Variants in ARHGAP24 observed in about 807,000 individuals in gnomAD.
The protein encoded by ARHGAP24 is rho GTPase-activating protein 24.
In ARHGAP24, 50 loss-of-function variants were observed where a neutral mutation model predicts 76.4. That is an observed-to-expected ratio of 0.65 (90% CI 0.52 to 0.83). The LOEUF is 0.83. Ranked by LOEUF, ARHGAP24 falls within the 40% of genes least tolerant of loss-of-function variation. ARHGAP24 has a pLI of 0.00. For synonymous variants in ARHGAP24, 345 were observed against 323.3 expected (o/e 1.07, Z -0.72); for missense variants, 930 against 914.2 (o/e 1.02, Z -0.22).
intron 2 of ARHGAP24, among the ~76,000 whole-genome samples, chr4:85,691,897 A>G (rs1176822123): frequency 6.6e-6 from 1 of 151,936 alleles, no homozygotes; most frequent in Non-Finnish European, 1.5e-5. Context: ...TAGCTGGTTG[A>G]TTGTAGAGTT....
At chr4:85,994,534 A>C (rs757777518) in intron 8 of ARHGAP24, 49 bp from the exon 9 acceptor site, 1 of 1,546,890 alleles carries the variant, frequency 6.5e-7, no homozygotes, top group African/African-American at 1.4e-5. Context: ...AAATAGAAAT[A>C]AATAAAAACT....
At chr4:85,894,317 C>T (rs1041323214) in intron 3 of ARHGAP24, among the ~76,000 whole-genome samples, 2 of 152,024 alleles carry the variant, frequency 1.3e-5, no homozygotes, top group African/African-American at 4.8e-5. Context: ...GAAAGAGTCT[C>T]ACACAAGAAG....
At chr4:85,598,796 G>A (rs1175278958) in intron 2 of ARHGAP24, among the ~76,000 whole-genome samples, 1 of 148,674 alleles carries the variant, frequency 6.7e-6, no homozygotes, top group African/African-American at 2.5e-5. Context: ...ATTGCAGACT[G>A]AAAAAAACTA....
At chr4:85,886,277 G>T (rs186664893) in intron 3 of ARHGAP24, among the ~76,000 whole-genome samples, 65 of 152,150 alleles carry the variant, frequency 4.3e-4, no homozygotes, top group African/African-American at 1.4e-3. Context: ...ATACAACAAC[G>T]TTACCATGTG....
chr4:85,806,786 A>C (rs1728811863), intron 3 of ARHGAP24, among the ~76,000 whole-genome samples: 1 of 152,230 alleles, frequency 6.6e-6, no homozygotes, highest in Non-Finnish European at 1.5e-5. Flanking sequence ...TAACTCGGAA[A>C]TTAGGTAATT....
chr4:85,502,430 G>A (rs1215703316), intron 1 of ARHGAP24, among the ~76,000 whole-genome samples: 1 of 152,022 alleles, frequency 6.6e-6, no homozygotes, highest in Non-Finnish European at 1.5e-5. Context: ...ACTTGAAGAG[G>A]TCCTTCACAT....
chr4:85,618,255 G>C (rs191671949), intron 2 of ARHGAP24, among the ~76,000 whole-genome samples: 127 of 152,188 alleles, frequency 8.3e-4, no homozygotes, highest in Admixed American at 1.5e-3. Context: ...TTGTCTTACT[G>C]TTCCTAGAGT....
rs1407070087 is a variant in ARHGAP24 at position 85,574,305 on chromosome 4, A to T, written c.180+3584A>T. 2.0e-5 allele frequency among the ~76,000 whole-genome samples: 3 copies of T among 152,252 alleles called. No homozygotes were observed. The East Asian group carries it at 5.8e-4, about 29-fold the overall frequency. On this transcript the variant is annotated intron_variant, in intron 2 of 9. Coordinates refer to ENST00000395184, the MANE Select transcript of ARHGAP24 (RefSeq NM_001025616.3). ...GAGGGAAAGCAAAATTATAATAATG[A>T]CAGGCTACCCTGAAAATGCCGATGC...
intron 3 of ARHGAP24, among the ~76,000 whole-genome samples, chr4:85,859,187 A>G (rs999681425): frequency 1.4e-5 from 2 of 145,836 alleles, no homozygotes; most frequent in African/African-American, 2.5e-5. Context: ...ATATACACAC[A>G]TACACACATA....
intron 2 of ARHGAP24, among the ~76,000 whole-genome samples, chr4:85,695,493 G>C (rs919782369): frequency 1.4e-4 from 22 of 152,270 alleles, no homozygotes; most frequent in Admixed American, 1.4e-3. Context: ...TCAAATTATT[G>C]TGGGAGGTCT....
intron 2 of ARHGAP24, among the ~76,000 whole-genome samples, chr4:85,618,524 T>C (rs1043138338): frequency 6.6e-6 from 1 of 152,124 alleles, no homozygotes; most frequent in East Asian, 1.9e-4. Flanking sequence ...GATCATATAG[T>C]AGTTCTATTT....
chr4:85,755,626 G>GTTTT (rs111410344), intron 3 of ARHGAP24, among the ~76,000 whole-genome samples: 2,704 of 117,230 alleles, frequency 0.023, 660 homozygotes, highest in East Asian at 0.055. Context: ...CTATTCTTTT[G>GTTTT]TTTTGTTTTG....
intron 2 of ARHGAP24, among the ~76,000 whole-genome samples, chr4:85,579,469 C>T (rs1727516487): frequency 1.3e-5 from 2 of 148,698 alleles, no homozygotes; most frequent in African/African-American, 4.9e-5. Flanking sequence ...ATTTCATAGC[C>T]ATTTGTTACT....
intron 2 of ARHGAP24, among the ~76,000 whole-genome samples, chr4:85,685,831 C>T (rs1393218910): frequency 6.6e-6 from 1 of 152,202 alleles, no homozygotes; most frequent in Non-Finnish European, 1.5e-5. Flanking sequence ...CATTGTATTA[C>T]ATTTCACAAT....
intron 2 of ARHGAP24, among the ~76,000 whole-genome samples, chr4:85,657,691 A>AG (rs374774460): frequency 1.2e-4 from 18 of 152,156 alleles, no homozygotes; most frequent in African/African-American, 4.3e-4. Context: ...GTTTGGCAAA[A>AG]TGCAAACATT....
At chr4:85,745,694 T>A (rs1426733572) in intron 3 of ARHGAP24, among the ~76,000 whole-genome samples, 1 of 152,010 alleles carries the variant, frequency 6.6e-6, no homozygotes, top group African/African-American at 2.4e-5. Context: ...TAAAACATAG[T>A]CCTTGAACTT....
At chr4:85,939,606 A>G (rs1344615297) in intron 4 of ARHGAP24, among the ~76,000 whole-genome samples, 1 of 152,190 alleles carries the variant, frequency 6.6e-6, no homozygotes. Context: ...TCATTTTATT[A>G]TAAAGGCAAA....
chr4:85,894,707 C>A (rs1266412505), intron 3 of ARHGAP24, among the ~76,000 whole-genome samples: 1 of 151,954 alleles, frequency 6.6e-6, no homozygotes, highest in South Asian at 2.1e-4. Flanking sequence ...TGCCTGCAAT[C>A]CCAGCATTTT....
In ARHGAP24 at chr4:85,714,734, A is replaced by G. The variant is rs1219918238; in HGVS notation, c.181-7151A>G. Among the ~76,000 whole-genome samples, 4 of 152,102 alleles carry G rather than the reference A, an allele frequency of 2.6e-5. No homozygotes were observed. In the East Asian group the frequency reaches 7.7e-4, roughly 29 times the overall value. On this transcript the variant is annotated intron_variant, in intron 2 of 9. Transcript: ENST00000395184. ...TTATGCATCAGAATTACTAGGGTAG[A>G]TTCCAAAATGGTTACCAATTTGCAA... is the stretch of plus-strand genomic sequence containing the variant.
Sources: allele counts gnomAD v4.1 joint callset (sites outside exome capture counted in the v4.1 genomes callset), GRCh38; gene constraint gnomAD v4.1.1; transcripts MANE v1.5; gene names NCBI Gene and HGNC (gene_info 2026-07-23, HGNC 2026-07-21).